The following TTC6 variants were observed in gnomAD, a reference collection of about 807,000 sequenced individuals.
TTC6 encodes the protein tetratricopeptide repeat domain 6.
A neutral mutation model predicts 210.4 loss-of-function variants in TTC6; 172 were observed. That is an observed-to-expected ratio of 0.82 (90% CI 0.72 to 0.93). The LOEUF is 0.93. Ranked by LOEUF, TTC6 falls within the 40% of genes least tolerant of loss-of-function variation. The probability of loss-of-function intolerance (pLI) is 0.00; values close to 1 mark genes in which losing one functional copy is unlikely to be tolerated. For missense variants in TTC6, 2,414 were observed against 2,318.1 expected (o/e 1.04, Z -0.85); for synonymous variants, 804 against 819.6 (o/e 0.98, Z 0.32).
intron 10 of TTC6, among the ~76,000 whole-genome samples, chr14:37,747,160 A>G (rs1345683068): frequency 6.6e-6 from 1 of 152,136 alleles, no homozygotes; most frequent in Non-Finnish European, 1.5e-5. Flanking sequence ...AACACTGGTG[A>G]TATTTGACAA....
intron 13 of TTC6, among the ~76,000 whole-genome samples, chr14:37,751,823 C>CTT (rs71127240): frequency 0.49 from 61,199 of 125,330 alleles, 16,460 homozygotes; most frequent in East Asian, 0.88. Flanking sequence ...AGGAAATGAA[C>CTT]TTTTTTTTTT....
chr14:37,784,731 A>G (rs768161671), intron 14 of TTC6, among the ~76,000 whole-genome samples: 1 of 152,048 alleles, frequency 6.6e-6, no homozygotes, highest in African/African-American at 2.4e-5. Context: ...GGTCTTTACA[A>G]TTTGTCATGT....
chr14:37,739,047 A>G, exon 10 of TTC6: 1 of 1,535,454 alleles, frequency 6.5e-7, no homozygotes, highest in Non-Finnish European at 8.7e-7. Context: ...GGCATTAGTT[A>G]CATTGTTTAT....
At chr14:37,705,091 A>G (rs2138702329) in intron 5 of TTC6, among the ~76,000 whole-genome samples, 1 of 152,204 alleles carries the variant, frequency 6.6e-6, no homozygotes, top group African/African-American at 2.4e-5. Flanking sequence ...ATGCTGTCCT[A>G]CAAACATTGG....
intron 3 of TTC6, among the ~76,000 whole-genome samples, chr14:37,685,777 G>T (rs932971999): frequency 1.3e-5 from 2 of 152,144 alleles, no homozygotes; most frequent in African/African-American, 4.8e-5. Flanking sequence ...CCTTTCAGCA[G>T]CAGCTTTGGG....
rs201516755 is a variant in TTC6 at position 37,719,037 on chromosome 14, CATT to C, written c.1713+4244_1713+4246del. On this transcript the variant is annotated intron_variant, in intron 6 of 30. Transcript: ENST00000553443. ...GATACAAAAAAAACCATGAATAATTCATTATATTTCTGTGTGTCTACAGATGAA... is the reference window on the plus strand; with the variant it reads ...GATACAAAAAAAACCATGAATAATTCATATTTCTGTGTGTCTACAGATGAA... Among the ~76,000 whole-genome samples, 986 of 152,192 alleles carry C rather than the reference CATT, an allele frequency of 6.5e-3. 6 individuals carry two copies. Among genetic ancestry groups the C allele is most frequent in the Middle Eastern group, 0.045 (13 of 292 alleles).
chr14:37,816,845 G>A (rs1025503734), intron 25 of TTC6, among the ~76,000 whole-genome samples: 1 of 152,254 alleles, frequency 6.6e-6, no homozygotes, highest in East Asian at 1.9e-4. Context: ...AAAGCCATGA[G>A]CTTCAGACAC....
At chr14:37,759,065 G>A (rs1188257596) in intron 14 of TTC6, among the ~76,000 whole-genome samples, 1 of 152,016 alleles carries the variant, frequency 6.6e-6, no homozygotes, top group Non-Finnish European at 1.5e-5. Context: ...GAGATCAGGA[G>A]ATTGAGACCA....
Position 37,714,788 on chromosome 14 carries a change from G to GTC in TTC6, c.1705_1706insTC (p.Gly569ValfsTer30), listed in dbSNP as rs770277619. 3.5e-5 allele frequency: 54 copies of GTC among 1,533,878 alleles called. No homozygotes were observed. The African/African-American group carries it at 5.9e-4, about 17-fold the overall frequency. The stretch of plus-strand genomic sequence containing the variant: ...TCACAAACCACACTTGGAAGTCTTG[G>GTC]GAGAGGAAGTAAGAACTTTCTTTAA... On this transcript the variant is annotated frameshift_variant, in exon 6 of 31. Coordinates refer to ENST00000553443, the Ensembl canonical transcript of TTC6. LOFTEE classifies it high-confidence loss of function.
chr14:37,701,406 A>G, exon 5 of TTC6: 1 of 1,532,760 alleles, frequency 6.5e-7, no homozygotes, highest in Non-Finnish European at 8.7e-7. Flanking sequence ...CTGCCTGTTG[A>G]CTTGCGCCTG....
At position 37,644,710 on chromosome 14, in the gene TTC6, G is replaced by T. The variant is rs545132525; in HGVS notation, c.939+21707G>T. On this transcript the variant is annotated intron_variant, in intron 1 of 30. Coordinates refer to ENST00000553443, the Ensembl canonical transcript of TTC6. ...TTCCAGCAAAGTTTTTTGAGCACCT[G>T]CAATATTTAGCCCTGTGCTTGGCAC... is the stretch of plus-strand genomic sequence containing the variant. Among the ~76,000 whole-genome samples, 33 of 152,252 alleles carry T rather than the reference G, an allele frequency of 2.2e-4. No homozygotes were observed. In the South Asian group the frequency reaches 6.4e-3, roughly 30 times the overall value.
At chr14:37,647,310 A>G (rs1328228394) in intron 1 of TTC6, among the ~76,000 whole-genome samples, 1 of 152,184 alleles carries the variant, frequency 6.6e-6, no homozygotes, top group Admixed American at 6.5e-5. Flanking sequence ...TAGGTGGAAA[A>G]TGGTAAAGGA....
At chr14:37,608,271 G>A (rs763329579) in intron 2 of TTC6, among the ~76,000 whole-genome samples, 5 of 151,558 alleles carry the variant, frequency 3.3e-5, no homozygotes, top group Admixed American at 6.6e-5. Context: ...ATGGTTTAGC[G>A]CTTACAAGTT....
intron 7 of TTC6, among the ~76,000 whole-genome samples, chr14:37,729,621 G>T (rs2095880836): frequency 6.6e-6 from 1 of 152,120 alleles, no homozygotes; most frequent in Admixed American, 6.5e-5. Context: ...CTGCTCCGTG[G>T]TCTGAAGCTC....
intron 29 of TTC6, chr14:37,837,553 C>T: frequency 5.8e-6 from 2 of 345,012 alleles, no homozygotes; most frequent in Non-Finnish European, 5.8e-6. Context: ...GTGATGTTCC[C>T]TCTCCATGTA....
At chr14:37,835,833 C>G (rs1194565056) in intron 29 of TTC6, among the ~76,000 whole-genome samples, 1 of 152,070 alleles carries the variant, frequency 6.6e-6, no homozygotes, top group Non-Finnish European at 1.5e-5. Flanking sequence ...GTATATAATT[C>G]TCTCTATACG....
intron 1 of TTC6, among the ~76,000 whole-genome samples, chr14:37,623,230 C>T (rs1332462328): frequency 1.3e-5 from 2 of 152,160 alleles, no homozygotes; most frequent in African/African-American, 4.8e-5. Flanking sequence ...GAAACTGAGC[C>T]ATGATCCCAG....
At chr14:37,833,533 G>T (rs1329272605) in intron 29 of TTC6, among the ~76,000 whole-genome samples, 1 of 151,884 alleles carries the variant, frequency 6.6e-6, no homozygotes, top group Non-Finnish European at 1.5e-5. Flanking sequence ...CATATAGTTG[G>T]GTCTTGTTTT....
At chr14:37,734,755 T>C (rs1266419422) in intron 7 of TTC6, among the ~76,000 whole-genome samples, 2 of 152,166 alleles carry the variant, frequency 1.3e-5, no homozygotes, top group South Asian at 2.1e-4. Flanking sequence ...AAGTGCCCTC[T>C]CAAGACACCT....
Sources: gnomAD v4.1 joint callset for allele counts (sites outside exome capture counted in the v4.1 genomes callset) on GRCh38, gnomAD v4.1.1 for gene constraint, MANE v1.5 for transcripts, NCBI Gene and HGNC (gene_info 2026-07-23, HGNC 2026-07-21) for gene names.